The following LCLAT1 variants were observed in gnomAD, a reference collection of about 807,000 sequenced individuals.
LCLAT1 encodes lysocardiolipin acyltransferase 1.
A neutral mutation model predicts 30.7 loss-of-function variants in LCLAT1; 11 were observed. That is an observed-to-expected ratio of 0.36 (90% CI 0.23 to 0.59). LCLAT1 has a LOEUF of 0.59. Ranked by LOEUF, LCLAT1 falls within the 20% of genes least tolerant of loss-of-function variation. LCLAT1 has a pLI of 0.77. For synonymous variants in LCLAT1, 155 were observed against 151.3 expected (o/e 1.02, Z -0.18); for missense variants, 402 against 458.6 (o/e 0.88, Z 1.13).
chr2:30,477,672 C>T (rs908587138), intron 1 of LCLAT1, among the ~76,000 whole-genome samples: 1 of 152,106 alleles, frequency 6.6e-6, no homozygotes, highest in South Asian at 2.1e-4. Context: ...TCCATTTAGG[C>T]TATCCCTGAG....
At chr2:30,534,221 G>C (rs1433969608) in intron 3 of LCLAT1, among the ~76,000 whole-genome samples, 3 of 3,130 alleles carry the variant, frequency 9.6e-4, no homozygotes, top group East Asian at 0.015. Flanking sequence ...TTGATTTACT[G>C]TGTGTGTGTG....
intron 2 of LCLAT1, among the ~76,000 whole-genome samples, chr2:30,526,200 A>AT (rs936180279): frequency 3.3e-5 from 5 of 151,436 alleles, no homozygotes; most frequent in African/African-American, 1.2e-4. Flanking sequence ...TTTTTTTCAC[A>AT]TTTTTTTCTG....
At chr2:30,522,299 C>A (rs931407561) in intron 1 of LCLAT1, among the ~76,000 whole-genome samples, 2 of 152,208 alleles carry the variant, frequency 1.3e-5, no homozygotes, top group African/African-American at 4.8e-5. Context: ...ATTTTGCATT[C>A]CCACCAGCAA....
intron 3 of LCLAT1, among the ~76,000 whole-genome samples, chr2:30,534,275 T>TGTGTGTGTGTG (rs1686131825): frequency 1.2e-5 from 1 of 81,686 alleles, no homozygotes; most frequent in African/African-American, 4.5e-5. Context: ...GTGTGTGTGT[T>TGTGTGTGTGTG]TGGGAGACGG....
intron 5 of LCLAT1, among the ~76,000 whole-genome samples, chr2:30,596,571 A>T (rs1481989566): frequency 2.0e-5 from 3 of 150,904 alleles, no homozygotes; most frequent in Non-Finnish European, 2.9e-5. Flanking sequence ...GATTGCAAAA[A>T]TTTTCTCCCT....
At chr2:30,449,777 G>A (rs556558797) in intron 1 of LCLAT1, among the ~76,000 whole-genome samples, 2 of 152,300 alleles carry the variant, frequency 1.3e-5, no homozygotes, top group Admixed American at 1.3e-4. Flanking sequence ...TGGGATTACA[G>A]GTGTGAGCCA....
intron 5 of LCLAT1, among the ~76,000 whole-genome samples, chr2:30,573,526 G>A (rs1665873491): frequency 6.6e-6 from 1 of 152,072 alleles, no homozygotes; most frequent in South Asian, 2.1e-4. Context: ...TGTATCTCCT[G>A]TCTCCCTAGT....
At chr2:30,575,755 A>T (rs150601302) in intron 5 of LCLAT1, among the ~76,000 whole-genome samples, 127 of 152,250 alleles carry the variant, frequency 8.3e-4, no homozygotes, top group Non-Finnish European at 1.4e-3. Flanking sequence ...TTCAATATGG[A>T]AATGTGGTTC....
At chr2:30,532,466 A>G (rs1686027519) in intron 2 of LCLAT1, among the ~76,000 whole-genome samples, 1 of 151,278 alleles carries the variant, frequency 6.6e-6, no homozygotes, top group East Asian at 1.9e-4. Context: ...ACTTTCAAGA[A>G]CTCATAAGTC....
intron 5 of LCLAT1, among the ~76,000 whole-genome samples, chr2:30,617,523 G>A (rs1668050733): frequency 6.6e-6 from 1 of 152,228 alleles, no homozygotes; most frequent in Middle Eastern, 3.4e-3. Flanking sequence ...GAATTTGTAT[G>A]GGCATATATT....
At chr2:30,479,408 C>G (rs1217169495) in intron 1 of LCLAT1, among the ~76,000 whole-genome samples, 1 of 151,920 alleles carries the variant, frequency 6.6e-6, no homozygotes, top group Non-Finnish European at 1.5e-5. Flanking sequence ...GAGGATTGCT[C>G]AAGCTATCCT....
intron 3 of LCLAT1, among the ~76,000 whole-genome samples, chr2:30,554,821 A>G (rs1328765516): frequency 6.6e-6 from 1 of 152,168 alleles, no homozygotes; most frequent in Non-Finnish European, 1.5e-5. Context: ...AAGCCAAGGG[A>G]TTATCCTTAA....
At position 30,627,316 on chromosome 2, in the gene LCLAT1, G is replaced by A. The variant is rs532339562; in HGVS notation, c.629-12801G>A. Among the ~76,000 whole-genome samples the A allele has an allele frequency of 1.2e-4, 18 of 152,074 alleles. No individual in the cohort carries two copies. In the South Asian group the frequency reaches 2.7e-3, roughly 23 times the overall value. ...TGATGTCACCTAAGTCTCATTATCCGCCTTATAAGGTTATACCCTGGTCCC... is the reference window on the plus strand; with the variant it reads ...TGATGTCACCTAAGTCTCATTATCCACCTTATAAGGTTATACCCTGGTCCC... On this transcript the variant is annotated intron_variant, in intron 5 of 5. Coordinates refer to ENST00000379509, the MANE Select transcript of LCLAT1 (RefSeq NM_001002257.3).
At chr2:30,537,910 A>G (rs184963786) in intron 3 of LCLAT1, among the ~76,000 whole-genome samples, 16 of 152,330 alleles carry the variant, frequency 1.1e-4, no homozygotes, top group Admixed American at 2.0e-4. Flanking sequence ...ATAAAGTTAG[A>G]AATTAATAAC....
At chr2:30,580,834 C>T (rs889835515) in intron 5 of LCLAT1, among the ~76,000 whole-genome samples, 1 of 152,098 alleles carries the variant, frequency 6.6e-6, no homozygotes, top group East Asian at 1.9e-4. Context: ...GTAAATCGTT[C>T]CCTTCTTAGT....
intron 5 of LCLAT1, among the ~76,000 whole-genome samples, chr2:30,589,916 T>C (rs1262025469): frequency 2.0e-5 from 3 of 152,052 alleles, no homozygotes; most frequent in Admixed American, 6.6e-5. Context: ...TTGAAAAGGG[T>C]AAATCAAAGC....
intron 1 of LCLAT1, among the ~76,000 whole-genome samples, chr2:30,468,013 C>T (rs1682538479): frequency 6.6e-6 from 1 of 152,116 alleles, no homozygotes; most frequent in African/African-American, 2.4e-5. Context: ...AAGTCCTTGC[C>T]CATGCCTATG....
In LCLAT1 at chr2:30,641,786, C is replaced by A. The variant is rs935750235; in HGVS notation, c.*1167C>A. ...TTGACCAATTGTTTGCCCAAATATT[C>A]TTGTCATTTGGAGTCAGTGGAAAAT... is the stretch of plus-strand genomic sequence containing the variant. On this transcript the variant is annotated 3_prime_UTR_variant, in exon 6 of 6. Transcript: ENST00000379509. The A allele has an allele frequency of 4.6e-5, 7 of 152,108 alleles. No individual in the cohort carries two copies. The highest frequency in any genetic ancestry group is 1.7e-4 in the African/African-American group (7 of 41,432). The allele number at this position is 152,108 out of a possible 1,614,324, so 9.4% of individuals were successfully genotyped here. A position where few individuals can be genotyped will look rare whatever the true frequency, so the allele number is the denominator to read the frequency against.
intron 2 of LCLAT1, among the ~76,000 whole-genome samples, 161 bp from the exon 3 acceptor site, chr2:30,532,955 A>G (rs371537992): frequency 3.3e-5 from 5 of 152,324 alleles, no homozygotes; most frequent in African/African-American, 1.2e-4. Flanking sequence ...TCATTCTTCT[A>G]GATAACCTCA....
Sources: gnomAD v4.1 joint callset for allele counts (sites outside exome capture counted in the v4.1 genomes callset) on GRCh38, gnomAD v4.1.1 for gene constraint, MANE v1.5 for transcripts, NCBI Gene and HGNC (gene_info 2026-07-23, HGNC 2026-07-21) for gene names.